The following ZNF257 variants were observed in gnomAD, a reference collection of about 807,000 sequenced individuals.
The protein encoded by ZNF257 is zinc finger protein 257, also known as bone marrow zinc finger 4.
ZNF257 carries 12 observed loss-of-function variants against 11.9 expected under a neutral mutation model. That is an observed-to-expected ratio of 1.01 (90% CI 0.65 to 1.63). The LOEUF is 1.63. ZNF257 is among the 40% of genes most tolerant of loss of function. The pLI is 0.00. For missense variants in ZNF257, 580 were observed against 665.5 expected, an observed-to-expected ratio of 0.87 and a Z score of 1.41; for synonymous variants, 183 against 222.7, an observed-to-expected ratio of 0.82 and a Z score of 1.59.
At chr19:22,057,172 C>A (rs770606933) in intron 1 of ZNF257, among the ~76,000 whole-genome samples, 3 of 152,112 alleles carry the variant, frequency 2.0e-5, no homozygotes, top group Non-Finnish European at 1.5e-5. Flanking sequence ...GAAAGGAATA[C>A]TTTAACTTTT....
At chr19:22,075,234 T>G (rs1309052441) in intron 3 of ZNF257, 2 of 170,910 alleles carry the variant, frequency 1.2e-5, no homozygotes, top group Admixed American at 1.2e-4. Context: ...AAGACTTTGC[T>G]CTGTAGGGCA....
intron 3 of ZNF257, among the ~76,000 whole-genome samples, chr19:22,077,786 T>A (rs965316453): frequency 2.6e-5 from 4 of 152,130 alleles, no homozygotes; most frequent in African/African-American, 9.7e-5. Flanking sequence ...GATTCATAAA[T>A]GAGATTGCTG....
Position 22,077,658 on chromosome 19 carries a change from T to C in ZNF257, c.226+4094T>C, listed in dbSNP as rs148646081. Among the ~76,000 whole-genome samples the C allele has an allele frequency of 2.9e-3, 440 of 152,248 alleles. 6 individuals carry two copies. The highest frequency in any genetic ancestry group is 9.4e-3 in the African/African-American group (389 of 41,498). ...TATTTAGGTATTACATTTTTCAATG[T>C]GTTTCCAAATTAAGACATTTGGGTT... is the stretch of plus-strand genomic sequence containing the variant. On this transcript the variant is annotated intron_variant, in intron 3 of 3. Transcript: ENST00000594947.
At chr19:22,055,853 C>T (rs2021618108) in intron 1 of ZNF257, among the ~76,000 whole-genome samples, 1 of 151,766 alleles carries the variant, frequency 6.6e-6, no homozygotes, top group African/African-American at 2.4e-5. Flanking sequence ...ATCATTAGGT[C>T]AGGAGATCGA....
chr19:22,089,207 C>T lies in ZNF257; in HGVS notation c.1457C>T (p.Pro486Leu), dbSNP rs754449006. 1.2e-6 allele frequency: 2 copies of T among 1,613,658 alleles called. No individual in the cohort carries two copies. Among genetic ancestry groups the T allele is most frequent in the South Asian group, 2.2e-5 (2 of 91,054 alleles). The change falls in exon 4 of 4, where the codon CCC becomes CTC. Residue 486 changes from proline to leucine, a missense_variant. Pro to Leu is a moderately conservative substitution (Grantham distance 98). Transcript: ENST00000594947. The stretch of plus-strand genomic sequence containing the variant: ...AAAATAATTCATACTGGGGAGAAGC[C>T]CTACAAATGTGAAGAATGTGGCAAA... ...QHKIIHTGEK[P>L]YKCEECGKAF...
At chr19:22,053,780 C>T (rs986583649) in intron 1 of ZNF257, among the ~76,000 whole-genome samples, 4 of 151,824 alleles carry the variant, frequency 2.6e-5, no homozygotes, top group Non-Finnish European at 5.9e-5. Flanking sequence ...ACAAAATTAG[C>T]GGGGCGTGGT....
intron 3 of ZNF257, among the ~76,000 whole-genome samples, chr19:22,074,076 T>C (rs1168135656): frequency 2.6e-5 from 4 of 152,070 alleles, no homozygotes; most frequent in Non-Finnish European, 5.9e-5. Context: ...GCTTTTTTTT[T>C]CCTGAAGATT....
At chr19:22,056,982 T>C (rs1180516812) in intron 1 of ZNF257, among the ~76,000 whole-genome samples, 1 of 152,212 alleles carries the variant, frequency 6.6e-6, no homozygotes, top group Admixed American at 6.5e-5. Flanking sequence ...CAGTTTCTTT[T>C]TTTGCAGGGA....
At position 22,058,226 on chromosome 19, in the gene ZNF257, A is replaced by G. The variant is rs545808546; in HGVS notation, c.3+5591A>G. On this transcript the variant is annotated intron_variant, in intron 1 of 3. Transcript: ENST00000594947. ...CAAAGGATGGAGAATTTTATTAATC[A>G]CAACTATTTACCTGGATTACCTATG... Among the ~76,000 whole-genome samples the G allele has an allele frequency of 1.4e-4, 22 of 152,224 alleles. No homozygotes were observed. The South Asian group carries it at 1.7e-3, about 11-fold the overall frequency.
chr19:22,066,906 TG>T (rs897956091), intron 1 of ZNF257, among the ~76,000 whole-genome samples: 22 of 152,234 alleles, frequency 1.4e-4, no homozygotes, highest in Non-Finnish European at 2.9e-4. Context: ...AGGTTAATTG[TG>T]TAATAAAACA....
intron 3 of ZNF257, chr19:22,075,301 T>A (rs893750235): frequency 6.5e-6 from 1 of 152,752 alleles, no homozygotes; most frequent in Non-Finnish European, 1.5e-5. Flanking sequence ...TAAATCGGGA[T>A]GTAAATGAGT....
In ZNF257 at chr19:22,073,699, AT is replaced by A. The variant is rs997257822; in HGVS notation, c.226+145del. On this transcript the variant is annotated intron_variant, in intron 3 of 3. Coordinates refer to ENST00000594947, the MANE Select transcript of ZNF257 (RefSeq NM_033468.4). ...ATAGTTTCTGGAAGCCTGAGTTTGC[AT>A]TTTTTTTTTCTTTGCTCTCACATAG... The A allele has an allele frequency of 3.1e-3, 3,416 of 1,109,444 alleles. 31 individuals carry two copies. Among genetic ancestry groups the A allele is most frequent in the African/African-American group, 0.03 (1,744 of 59,022 alleles). The allele number at this position is 1,109,444 out of a possible 1,614,324, so 68.7% of individuals were successfully genotyped here.
chr19:22,077,655 A>G (rs1369127141), intron 3 of ZNF257, among the ~76,000 whole-genome samples: 1 of 151,940 alleles, frequency 6.6e-6, no homozygotes, highest in Non-Finnish European at 1.5e-5. Flanking sequence ...ACATTTTTCA[A>G]TGTGTTTCCA....
chr19:22,057,662 A>G (rs549884744), intron 1 of ZNF257, among the ~76,000 whole-genome samples: 1 of 152,340 alleles, frequency 6.6e-6, no homozygotes, highest in Admixed American at 6.5e-5. Context: ...ATCTTTAAGG[A>G]CTGCAAAGCT....
intron 3 of ZNF257, among the ~76,000 whole-genome samples, chr19:22,080,165 G>C (rs1024145845): frequency 3.3e-4 from 49 of 150,506 alleles, no homozygotes; most frequent in Admixed American, 6.7e-5. Flanking sequence ...TTATTTGTAG[G>C]AACAGGGTCT....
chr19:22,055,394 C>T (rs1467252385), intron 1 of ZNF257, among the ~76,000 whole-genome samples: 1 of 151,974 alleles, frequency 6.6e-6, no homozygotes, highest in Non-Finnish European at 1.5e-5. Flanking sequence ...TTAGTAGATA[C>T]AGGGTTTCGC....
At chr19:22,053,122 G>T (rs1437488647) in intron 1 of ZNF257, among the ~76,000 whole-genome samples, 1 of 152,180 alleles carries the variant, frequency 6.6e-6, no homozygotes, top group Non-Finnish European at 1.5e-5. Flanking sequence ...TGTAATCCCA[G>T]CACTTTGGGA....
intron 3 of ZNF257, among the ~76,000 whole-genome samples, chr19:22,077,179 C>G (rs1250159555): frequency 6.6e-6 from 1 of 151,970 alleles, no homozygotes; most frequent in Non-Finnish European, 1.5e-5. Flanking sequence ...AATAGCCAGG[C>G]ATGGGGGTAT....
At chr19:22,073,417 T>C in intron 2 of ZNF257, 52 bp from the exon 3 acceptor site, 1 of 1,552,240 alleles carries the variant, frequency 6.4e-7, no homozygotes, top group South Asian at 1.2e-5. Flanking sequence ...ATTACTAAGT[T>C]GGTAATTGGA....
Sources: allele counts gnomAD v4.1 joint callset (sites outside exome capture counted in the v4.1 genomes callset), GRCh38; gene constraint gnomAD v4.1.1; transcripts MANE v1.5; gene names NCBI Gene and HGNC (gene_info 2026-07-23, HGNC 2026-07-21).